Variants in CFAP299 observed in about 807,000 individuals in gnomAD.
CFAP299 encodes cilia and flagella associated protein 299.
A neutral mutation model predicts 27.0 loss-of-function variants in CFAP299; 21 were observed. That is an observed-to-expected ratio of 0.78 (90% CI 0.55 to 1.12). The LOEUF (loss-of-function observed/expected upper bound fraction) is 1.12, where lower values mean the gene tolerates loss of function less well. Ranked by LOEUF, CFAP299 falls within the 50% of genes most tolerant of loss-of-function variation. CFAP299 has a pLI of 0.00. For synonymous variants in CFAP299, 104 were observed against 98.1 expected (o/e 1.06, Z -0.36); for missense variants, 310 against 276.6 (o/e 1.12, Z -0.86).
intron 2 of CFAP299, among the ~76,000 whole-genome samples, chr4:80,413,899 G>A (rs1726861128): frequency 6.6e-6 from 1 of 151,532 alleles, no homozygotes; most frequent in Non-Finnish European, 1.5e-5. Flanking sequence ...AAATTTCCAG[G>A]AGAAAAAAAT....
intron 3 of CFAP299, among the ~76,000 whole-genome samples, chr4:80,784,503 T>A (rs1727128092): frequency 6.6e-6 from 1 of 152,014 alleles, no homozygotes; most frequent in Non-Finnish European, 1.5e-5. Flanking sequence ...TTTCTTTTCT[T>A]TCTTTTTTTT....
chr4:80,799,783 A>AT (rs1229629459), intron 3 of CFAP299, among the ~76,000 whole-genome samples: 7 of 36,642 alleles, frequency 1.9e-4, no homozygotes, highest in African/African-American at 4.1e-4. Context: ...TGATATATAT[A>AT]TTATATATTA....
intron 2 of CFAP299, among the ~76,000 whole-genome samples, chr4:80,543,393 A>G (rs1331769593): frequency 6.6e-6 from 1 of 152,232 alleles, no homozygotes; most frequent in Non-Finnish European, 1.5e-5. Flanking sequence ...AGAATTCAGA[A>G]TCTGGACAGC....
intron 2 of CFAP299, among the ~76,000 whole-genome samples, chr4:80,518,317 C>A (rs1304350532): frequency 2.6e-5 from 4 of 151,982 alleles, no homozygotes; most frequent in Non-Finnish European, 5.9e-5. Flanking sequence ...ACTACATAAG[C>A]CATTAAAGAT....
chr4:80,321,555 C>T, the CFAP299 span, among the ~76,000 whole-genome samples: 62 of 152,218 alleles, frequency 4.1e-4, no homozygotes, highest in African/African-American at 1.4e-3. Flanking sequence ...CATGAAGGGC[C>T]GCTCCCCCAT....
At chr4:80,920,663 A>T (rs1410775602) in intron 4 of CFAP299, among the ~76,000 whole-genome samples, 1 of 152,046 alleles carries the variant, frequency 6.6e-6, no homozygotes, top group Non-Finnish European at 1.5e-5. Flanking sequence ...AGTTTATTTT[A>T]GTTGCTTACA....
intron 2 of CFAP299, among the ~76,000 whole-genome samples, chr4:80,538,464 A>G (rs11943326): frequency 0.071 from 10,755 of 151,800 alleles, 575 homozygotes; most frequent in East Asian, 0.25. Flanking sequence ...AGGCCTTCAC[A>G]TTTACTCACC....
At chr4:80,338,123 A>G (rs922212982) in intron 1 of CFAP299, among the ~76,000 whole-genome samples, 2 of 152,154 alleles carry the variant, frequency 1.3e-5, no homozygotes, top group African/African-American at 4.8e-5. Flanking sequence ...CATCATCATC[A>G]TCAGTAACTG....
intron 3 of CFAP299, among the ~76,000 whole-genome samples, chr4:80,833,603 T>C (rs1172549037): frequency 1.3e-5 from 2 of 152,190 alleles, no homozygotes; most frequent in Non-Finnish European, 2.9e-5. Context: ...TGATTAAAAT[T>C]ATAACTGGGG....
intron 1 of CFAP299, among the ~76,000 whole-genome samples, chr4:80,355,689 T>G (rs1481674267): frequency 1.3e-5 from 2 of 152,176 alleles, no homozygotes; most frequent in African/African-American, 4.8e-5. Flanking sequence ...TGCTGGTTAT[T>G]AAACCTCTGT....
chr4:80,937,222 A>G (rs1439728857), intron 4 of CFAP299, among the ~76,000 whole-genome samples: 2 of 151,406 alleles, frequency 1.3e-5, no homozygotes, highest in Non-Finnish European at 2.9e-5. Flanking sequence ...AGAGTTTTTT[A>G]AAGTCTATTT....
intron 3 of CFAP299, among the ~76,000 whole-genome samples, chr4:80,815,977 G>T (rs962903520): frequency 6.6e-6 from 1 of 151,816 alleles, no homozygotes; most frequent in East Asian, 1.9e-4. Context: ...GACAGGCTTT[G>T]CTACTTTCCA....
rs142566655 is a variant in CFAP299, at chr4:80,566,675, C to G, written c.243-16418C>G. ...GGGACCTGGAGGCAGGTGTACCAAA[C>G]AAGAGGTTTCTTTCTTTGCTTTCAT... On this transcript the variant is annotated intron_variant, in intron 2 of 5. Transcript: ENST00000358105. Among the ~76,000 whole-genome samples the G allele has an allele frequency of 2.7e-3, 418 of 152,184 alleles. 2 individuals carry two copies. Among genetic ancestry groups the G allele is most frequent in the African/African-American group, 9.0e-3 (375 of 41,550 alleles).
chr4:80,619,415 A>G, intron 3 of CFAP299, among the ~76,000 whole-genome samples: 1 of 152,108 alleles, frequency 6.6e-6, no homozygotes, highest in East Asian at 1.9e-4. Context: ...AATTTTCTGA[A>G]TATACTTAGT....
At chr4:80,680,804 A>C (rs966325259) in intron 3 of CFAP299, among the ~76,000 whole-genome samples, 3 of 152,116 alleles carry the variant, frequency 2.0e-5, no homozygotes, top group African/African-American at 7.2e-5. Context: ...TCTACTATAC[A>C]CTCTCAGCCA....
chr4:80,405,156 G>A (rs549155626), intron 2 of CFAP299, among the ~76,000 whole-genome samples: 1 of 152,102 alleles, frequency 6.6e-6, no homozygotes, highest in African/African-American at 2.4e-5. Flanking sequence ...TTGCACCTGA[G>A]CTGCAAGAAC....
At chr4:80,411,494 A>C (rs577550968) in intron 2 of CFAP299, among the ~76,000 whole-genome samples, 1 of 152,258 alleles carries the variant, frequency 6.6e-6, no homozygotes, top group Admixed American at 6.5e-5. Context: ...TTATCAAAAG[A>C]TTAGACATTT....
intron 4 of CFAP299, among the ~76,000 whole-genome samples, chr4:80,925,233 TTCTG>T (rs1201819445): frequency 6.6e-6 from 1 of 152,026 alleles, no homozygotes; most frequent in East Asian, 1.9e-4. Flanking sequence ...AATCTTCTTC[TTCTG>T]TCTTTCCTGA....
At chr4:80,771,104 G>T (rs1430527365) in intron 3 of CFAP299, among the ~76,000 whole-genome samples, 1 of 152,102 alleles carries the variant, frequency 6.6e-6, no homozygotes, top group Non-Finnish European at 1.5e-5. Flanking sequence ...CAGGGAGTGG[G>T]AGTCATGCGG....
Sources: gnomAD v4.1 joint callset for allele counts (sites outside exome capture counted in the v4.1 genomes callset) on GRCh38, gnomAD v4.1.1 for gene constraint, MANE v1.5 for transcripts, NCBI Gene and HGNC (gene_info 2026-07-23, HGNC 2026-07-21) for gene names.